Variants in LMX1A observed in about 807,000 individuals in gnomAD.
LMX1A encodes the protein LIM homeobox transcription factor 1-alpha.
Under a neutral mutation model 49.1 loss-of-function variants are expected in LMX1A, and 15 were observed. The observed-to-expected ratio is 0.31, with a 90% CI of 0.20 to 0.47. The LOEUF (loss-of-function observed/expected upper bound fraction) is 0.47, where lower values mean the gene tolerates loss of function less well. Ranked by LOEUF, LMX1A falls within the 20% of genes least tolerant of loss-of-function variation. LMX1A has a pLI of 1.00. For synonymous variants in LMX1A, 167 were observed against 185.7 expected (o/e 0.90, Z 0.82); for missense variants, 372 against 475.8 (o/e 0.78, Z 2.03).
chr1:165,313,880 T>C (rs1221929667), intron 3 of LMX1A, among the ~76,000 whole-genome samples: 1 of 152,148 alleles, frequency 6.6e-6, no homozygotes, highest in African/African-American at 2.4e-5. Flanking sequence ...TTCTCACTTA[T>C]CCCTGCAGGT....
At chr1:165,351,595 ACGTTTCTTTT>A (rs951507199) in intron 3 of LMX1A, among the ~76,000 whole-genome samples, 1 of 152,182 alleles carries the variant, frequency 6.6e-6, no homozygotes, top group Non-Finnish European at 1.5e-5. Context: ...AATCCAGCAC[ACGTTTCTTTT>A]AGTTCTGAAA....
chr1:165,320,899 C>T (rs1655366570), intron 3 of LMX1A, among the ~76,000 whole-genome samples: 1 of 152,152 alleles, frequency 6.6e-6, no homozygotes. Flanking sequence ...TGTAGTATTA[C>T]ACAAAAGCTA....
intron 3 of LMX1A, among the ~76,000 whole-genome samples, chr1:165,303,449 T>C (rs913306055): frequency 2.6e-5 from 4 of 152,224 alleles, no homozygotes; most frequent in Admixed American, 6.5e-5. Flanking sequence ...GGGTTGTTCA[T>C]TGATCCTCGT....
intron 3 of LMX1A, among the ~76,000 whole-genome samples, chr1:165,262,262 A>G (rs1653465564): frequency 6.6e-6 from 1 of 152,118 alleles, no homozygotes; most frequent in African/African-American, 2.4e-5. Context: ...AAATGAGACA[A>G]TCTCAGCTGG....
At chr1:165,318,999 TCACACACACACACACACACACACACACA>T (rs35582531) in intron 3 of LMX1A, among the ~76,000 whole-genome samples, 2 of 117,754 alleles carry the variant, frequency 1.7e-5, no homozygotes, top group African/African-American at 3.5e-5. Context: ...TCTCTCTCTC[TCACACACACACACACACACACACACACA>T]CACACACACA....
At chr1:165,251,289 G>A (rs1484285648) in intron 3 of LMX1A, among the ~76,000 whole-genome samples, 2 of 152,130 alleles carry the variant, frequency 1.3e-5, no homozygotes, top group Non-Finnish European at 2.9e-5. Context: ...CACCATGTTG[G>A]TTAGGCTGGT....
At chr1:165,209,600 G>A (rs1356660340) in intron 6 of LMX1A, among the ~76,000 whole-genome samples, 1 of 152,218 alleles carries the variant, frequency 6.6e-6, no homozygotes, top group Admixed American at 6.5e-5. Context: ...AGAGCTTCCA[G>A]ACAGCTGAAT....
At chr1:165,253,748 T>C (rs1437122877) in intron 3 of LMX1A, among the ~76,000 whole-genome samples, 1 of 152,112 alleles carries the variant, frequency 6.6e-6, no homozygotes, top group Middle Eastern at 3.2e-3. Context: ...GGAAGTGAAA[T>C]TGGGGGATAG....
At chr1:165,216,229 C>T (rs1168472465) in intron 4 of LMX1A, 1 of 152,106 alleles carries the variant, frequency 6.6e-6, no homozygotes, top group African/African-American at 2.4e-5. Flanking sequence ...AAAACAAGCA[C>T]TTAAGAACTA....
intron 3 of LMX1A, among the ~76,000 whole-genome samples, chr1:165,348,470 G>A (rs1656316710): frequency 6.6e-6 from 1 of 152,150 alleles, no homozygotes; most frequent in South Asian, 2.1e-4. Flanking sequence ...CACAGCCACG[G>A]CCCATGGACG....
At chr1:165,269,866 G>A (rs2101694309) in intron 3 of LMX1A, among the ~76,000 whole-genome samples, 1 of 152,180 alleles carries the variant, frequency 6.6e-6, no homozygotes, top group African/African-American at 2.4e-5. Flanking sequence ...ACACAGGGAG[G>A]GGAACAACAC....
chr1:165,291,463 T>C (rs1174365061), intron 3 of LMX1A, among the ~76,000 whole-genome samples: 1 of 152,172 alleles, frequency 6.6e-6, no homozygotes, highest in African/African-American at 2.4e-5. Context: ...TCTCTGTGGT[T>C]CAGTTTCTTC....
At chr1:165,317,446 T>C (rs1171569017) in intron 3 of LMX1A, among the ~76,000 whole-genome samples, 1 of 152,198 alleles carries the variant, frequency 6.6e-6, no homozygotes, top group Non-Finnish European at 1.5e-5. Flanking sequence ...GAAATGTACA[T>C]ATTAATACAA....
chr1:165,248,409 T>A (rs1040394844), intron 4 of LMX1A, among the ~76,000 whole-genome samples: 3 of 152,046 alleles, frequency 2.0e-5, no homozygotes, highest in Admixed American at 2.0e-4. Context: ...GTCACATAGA[T>A]GTTACCTAAT....
intron 3 of LMX1A, among the ~76,000 whole-genome samples, chr1:165,271,748 G>A (rs987577430): frequency 7.9e-5 from 12 of 152,184 alleles, no homozygotes; most frequent in African/African-American, 2.9e-4. Flanking sequence ...CTGGCAGGAG[G>A]AGGATGTGCC....
intron 3 of LMX1A, among the ~76,000 whole-genome samples, chr1:165,335,123 A>G (rs986037472): frequency 6.6e-6 from 1 of 152,226 alleles, no homozygotes; most frequent in Non-Finnish European, 1.5e-5. Flanking sequence ...ATATAGGATT[A>G]CAAATTAGGA....
chr1:165,348,063 C>T (rs1323947821), intron 3 of LMX1A, among the ~76,000 whole-genome samples: 1 of 151,988 alleles, frequency 6.6e-6, no homozygotes, highest in Non-Finnish European at 1.5e-5. Flanking sequence ...AAAATGAAAA[C>T]AAAAAGCAAG....
intron 3 of LMX1A, among the ~76,000 whole-genome samples, chr1:165,290,314 G>A (rs944968361): frequency 3.9e-5 from 6 of 152,162 alleles, no homozygotes; most frequent in Non-Finnish European, 7.3e-5. Flanking sequence ...GCAGAGCTAC[G>A]CTCCCTCTAG....
chr1:165,221,144 C>G (rs943155120), intron 4 of LMX1A, among the ~76,000 whole-genome samples: 4 of 152,060 alleles, frequency 2.6e-5, no homozygotes, highest in African/African-American at 9.7e-5. Context: ...CCCTATCTCT[C>G]CCTACCTGCT....
Sources: gnomAD v4.1 joint callset for allele counts (sites outside exome capture counted in the v4.1 genomes callset) on GRCh38, gnomAD v4.1.1 for gene constraint, MANE v1.5 for transcripts, NCBI Gene and HGNC (gene_info 2026-07-23, HGNC 2026-07-21) for gene names.